Variants in NFKB1 observed in about 807,000 individuals in gnomAD.
The protein encoded by NFKB1 is nuclear factor NF-kappa-B p105 subunit.
In NFKB1, 9 loss-of-function variants were observed where a neutral mutation model predicts 105.1. The ratio of observed to expected loss-of-function variants is 0.09; its 90% CI spans 0.05 to 0.15. NFKB1 has a LOEUF of 0.15. Ranked by LOEUF, NFKB1 falls within the 10% of genes least tolerant of loss-of-function variation. NFKB1 has a pLI of 1.00. For missense variants in NFKB1, 830 were observed against 1,203.7 expected (o/e 0.69, Z 4.59); for synonymous variants, 440 against 442.2 (o/e 1.00, Z 0.06).
chr4:102,541,089 G>A (rs72931410), intron 5 of NFKB1, among the ~76,000 whole-genome samples: 1,695 of 152,198 alleles, frequency 0.011, 42 homozygotes, highest in African/African-American at 0.038. Flanking sequence ...TGTGTTGTGG[G>A]AGGCTGTCTG....
chr4:102,561,015 T>C (rs890720340), intron 5 of NFKB1, among the ~76,000 whole-genome samples: 1 of 152,180 alleles, frequency 6.6e-6, no homozygotes, highest in African/African-American at 2.4e-5. Context: ...AAAGCTGGGA[T>C]TGGATCACTG....
chr4:102,593,620 ATTTTC>A (rs1726361263), intron 12 of NFKB1, 52 bp downstream of exon 12: 2 of 1,544,372 alleles, frequency 1.3e-6, no homozygotes, highest in Non-Finnish European at 1.7e-6. Context: ...AGAGGGTAGA[ATTTTC>A]TTTTCTTTGG....
chr4:102,567,707 G>A (rs892446643), intron 6 of NFKB1, among the ~76,000 whole-genome samples: 7 of 152,086 alleles, frequency 4.6e-5, no homozygotes, highest in Admixed American at 1.3e-4. Flanking sequence ...AAAAAATGAC[G>A]TATTCATTTA....
In NFKB1 at chr4:102,568,840, G is replaced by A. The variant is rs543348208; in HGVS notation, c.407+1705G>A. ...AGTGCAGTGGGTTGTGGGCTCAGTAGTTGGGAGAACTCATCAGTCATTCAC... is the reference window on the plus strand; with the variant it reads ...AGTGCAGTGGGTTGTGGGCTCAGTAATTGGGAGAACTCATCAGTCATTCAC... On this transcript the variant is annotated intron_variant, in intron 6 of 23. Coordinates refer to ENST00000226574, the MANE Select transcript of NFKB1 (RefSeq NM_003998.4). Among the ~76,000 whole-genome samples, 4 of 152,246 alleles carry A rather than the reference G, an allele frequency of 2.6e-5. No homozygotes were observed. In the East Asian group the frequency reaches 5.8e-4, roughly 22 times the overall value.
At chr4:102,608,340 T>A (rs1728019792) in intron 19 of NFKB1, among the ~76,000 whole-genome samples, 1 of 152,154 alleles carries the variant, frequency 6.6e-6, no homozygotes, top group Non-Finnish European at 1.5e-5. Context: ...ATACCATTAT[T>A]CCCCATCTTA....
chr4:102,548,113 C>T (rs1226464600), intron 5 of NFKB1, among the ~76,000 whole-genome samples: 2 of 152,034 alleles, frequency 1.3e-5, no homozygotes, highest in Non-Finnish European at 2.9e-5. Context: ...GGGAAGGCCA[C>T]ACACCAAGAT....
chr4:102,593,921 G>A (rs963376545), intron 12 of NFKB1, among the ~76,000 whole-genome samples: 1 of 151,978 alleles, frequency 6.6e-6, no homozygotes, highest in Middle Eastern at 3.2e-3. Context: ...CTACAATATA[G>A]CTATATATTA....
intron 1 of NFKB1, among the ~76,000 whole-genome samples, chr4:102,519,146 A>AT (rs1740399994): frequency 6.6e-6 from 1 of 151,892 alleles, no homozygotes; most frequent in Non-Finnish European, 1.5e-5. Context: ...AGGCATAAAT[A>AT]TTTTTAGGTG....
intron 5 of NFKB1, among the ~76,000 whole-genome samples, chr4:102,544,347 C>G (rs908044064): frequency 7.9e-5 from 12 of 151,884 alleles, no homozygotes; most frequent in Admixed American, 2.6e-4. Context: ...AACACATAGC[C>G]CAGAAAGCCT....
Position 102,615,186 on chromosome 4 carries a change from A to G in NFKB1, c.2750-1248A>G, listed in dbSNP as rs35226141. 9.1e-4 allele frequency among the ~76,000 whole-genome samples: 139 copies of G among 152,294 alleles called. 1 individual carries two copies. Among genetic ancestry groups the G allele is most frequent in the African/African-American group, 3.2e-3 (131 of 41,562 alleles). Reference sequence around the variant, plus strand: ...AGTTCATTCAGTCATTCATTCAGCAAATCCTGATCCAGCATACACTGTGTG... The same window carrying G: ...AGTTCATTCAGTCATTCATTCAGCAGATCCTGATCCAGCATACACTGTGTG... On this transcript the variant is annotated intron_variant, in intron 23 of 23. Transcript: ENST00000226574.
chr4:102,553,345 G>T (rs1722758918), intron 5 of NFKB1, among the ~76,000 whole-genome samples: 1 of 152,038 alleles, frequency 6.6e-6, no homozygotes, highest in Non-Finnish European at 1.5e-5. Flanking sequence ...TAAGAAAAAA[G>T]AAATCAGTGA....
intron 5 of NFKB1, among the ~76,000 whole-genome samples, chr4:102,545,596 G>T (rs1235682680): frequency 1.3e-5 from 2 of 152,016 alleles, no homozygotes; most frequent in Admixed American, 1.3e-4. Flanking sequence ...AACCATTGTG[G>T]AATACCATTC....
chr4:102,596,510 C>G (rs1245002065), intron 14 of NFKB1, among the ~76,000 whole-genome samples, 178 bp downstream of exon 14: 6 of 152,108 alleles, frequency 3.9e-5, no homozygotes, highest in African/African-American at 1.2e-4. Flanking sequence ...ACTGGGATTT[C>G]CATTTTTGCT....
At chr4:102,531,165 G>A (rs930488050) in intron 3 of NFKB1, among the ~76,000 whole-genome samples, 2 of 152,122 alleles carry the variant, frequency 1.3e-5, no homozygotes, top group Admixed American at 6.5e-5. Context: ...AGTATCCTGA[G>A]GCAGACGTTT....
chr4:102,613,462 T>G lies in NFKB1; in HGVS notation c.2630T>G (p.Leu877Arg). ...ACAGTCAGAGAGCTGGTGGAGGCCC[T>G]GAGACAAATGGGCTACACCGAAGCA... is the stretch of plus-strand genomic sequence containing the variant. ...GGTVRELVEA[L>R]RQMGYTEAIE... is the part of the protein sequence containing the mutation. Residue 877 changes from leucine (L) to arginine (R), a missense_variant, in exon 23 of 24, where the codon CTG (leucine) becomes CGG (arginine). By Grantham distance (102) the Leu-to-Arg change is moderately radical. Coordinates refer to ENST00000226574, the MANE Select transcript of NFKB1 (RefSeq NM_003998.4). 1 of 1,613,940 alleles carries G rather than the reference T, an allele frequency of 6.2e-7. No homozygotes were observed. The highest frequency in any genetic ancestry group is 8.5e-7 in the Non-Finnish European group (1 of 1,179,988).
chr4:102,506,569 C>G (rs1169846039), intron 1 of NFKB1, among the ~76,000 whole-genome samples: 1 of 152,154 alleles, frequency 6.6e-6, no homozygotes, highest in Non-Finnish European at 1.5e-5. Context: ...TCAGTTGTAG[C>G]ATTTTTTAAA....
At chr4:102,511,040 G>A in intron 1 of NFKB1, 2 of 849,280 alleles carry the variant, frequency 2.4e-6, no homozygotes, top group Admixed American at 3.3e-5. Flanking sequence ...AGCATTGCTT[G>A]TTTATAGAAG....
chr4:102,603,141 C>T (rs959169071), intron 16 of NFKB1, among the ~76,000 whole-genome samples: 11 of 152,130 alleles, frequency 7.2e-5, no homozygotes, highest in South Asian at 2.1e-4. Flanking sequence ...GGCGCGATCT[C>T]GGCTCACTGC....
At chr4:102,566,420 T>C (rs1016798591) in intron 5 of NFKB1, among the ~76,000 whole-genome samples, 22 of 151,970 alleles carry the variant, frequency 1.4e-4, no homozygotes, top group Non-Finnish European at 3.2e-4. Flanking sequence ...AAGGCTCAGG[T>C]TTTCTAAGAG....
Sources: allele counts gnomAD v4.1 joint callset (sites outside exome capture counted in the v4.1 genomes callset), GRCh38; gene constraint gnomAD v4.1.1; transcripts MANE v1.5; gene names NCBI Gene and HGNC (gene_info 2026-07-23, HGNC 2026-07-21).